The following DLG3 variants were observed in gnomAD, a reference collection of about 807,000 sequenced individuals.
DLG3 encodes the protein discs large MAGUK scaffold protein 3.
A neutral mutation model predicts 64.1 loss-of-function variants in DLG3; 1 was observed. That is an observed-to-expected ratio of 0.02 (90% CI 0.01 to 0.07). DLG3 has a LOEUF of 0.07. DLG3 is among the 10% of genes least tolerant of loss of function. The probability of loss-of-function intolerance (pLI) is 1.00; values close to 1 mark genes in which losing one functional copy is unlikely to be tolerated. For synonymous variants in DLG3, 245 were observed against 259.8 expected (o/e 0.94, Z 0.55); for missense variants, 429 against 669.5 (o/e 0.64, Z 3.96).
In DLG3 at chrX:70,491,209, G is replaced by A. The variant is rs759792628; in HGVS notation, c.1521-898G>A. ...ATTACAGGCGTGAGCCTCTGCGCCC[G>A]ACCTCCTAAGGCTCTTTTGATGTGT... On this transcript the variant is annotated intron_variant, in intron 10 of 18. Transcript: ENST00000374360. Among the ~76,000 whole-genome samples the A allele has an allele frequency of 3.2e-4, 36 of 111,952 alleles. No individual in the cohort carries two copies. In the South Asian group the frequency reaches 9.0e-3, roughly 28 times the overall value.
chrX:70,465,984 G>A (rs929560036), intron 9 of DLG3, among the ~76,000 whole-genome samples: 1 of 111,034 alleles, frequency 9.0e-6, no homozygotes, highest in African/African-American at 3.3e-5. Context: ...GTTCCGAAAA[G>A]ATTTTTTTAA....
intron 9 of DLG3, among the ~76,000 whole-genome samples, chrX:70,470,002 A>G (rs73216723): frequency 0.026 from 2,872 of 111,850 alleles, 63 homozygotes; most frequent in Middle Eastern, 0.05. Context: ...AGATGGAAAG[A>G]ACTTTTTGGG....
chrX:70,474,378 C>T (rs914932890), intron 9 of DLG3, among the ~76,000 whole-genome samples: 3 of 110,690 alleles, frequency 2.7e-5, no homozygotes, highest in African/African-American at 9.9e-5. Context: ...ATCAACAGTA[C>T]GGCAATGACA....
At chrX:70,453,291 G>A (rs1402628354) in intron 7 of DLG3, 1 of 223,716 alleles carries the variant, frequency 4.5e-6, no homozygotes, top group Admixed American at 6.5e-5. Flanking sequence ...CACACGGGTT[G>A]GTAGGATAGG....
rs1231693959 is a variant in DLG3, at chrX:70,452,630, G to T, written c.1145+604G>T. On this transcript the variant is annotated intron_variant, in intron 7 of 18. Transcript: ENST00000374360. Reference sequence around the variant, plus strand: ...GGAGAGAGAGAGGAGCTATGGAGAGGGCCCGCAAGTTCTCGGGCTCCGGCT... The same window carrying T: ...GGAGAGAGAGAGGAGCTATGGAGAGTGCCCGCAAGTTCTCGGGCTCCGGCT... 2 of 1,187,622 alleles carry T rather than the reference G, an allele frequency of 1.7e-6. No individual in the cohort carries two copies. Among genetic ancestry groups the T allele is most frequent in the Admixed American group, 2.3e-5 (1 of 42,820 alleles).
intron 6 of DLG3, among the ~76,000 whole-genome samples, chrX:70,451,222 C>G (rs926480107): frequency 7.2e-5 from 8 of 111,873 alleles, no homozygotes; most frequent in African/African-American, 3.3e-5. Context: ...CTGCCTCAGC[C>G]TCCCGAGTAG....
At chrX:70,481,682 G>C (rs1264212899) in intron 10 of DLG3, among the ~76,000 whole-genome samples, 1 of 112,096 alleles carries the variant, frequency 8.9e-6, no homozygotes, top group Non-Finnish European at 1.9e-5. Context: ...AGCTCCAGGG[G>C]AGCAGAAACC....
chrX:70,452,059 T>A, intron 7 of DLG3, 33 bp downstream of exon 7: 1 of 1,202,540 alleles, frequency 8.3e-7, no homozygotes, highest in Non-Finnish European at 1.1e-6. Context: ...CCATTCAATC[T>A]ACCCAGAAAT....
chrX:70,470,655 T>A (rs2086955317), intron 9 of DLG3, among the ~76,000 whole-genome samples: 2 of 112,488 alleles, frequency 1.8e-5, no homozygotes, highest in African/African-American at 3.2e-5. Flanking sequence ...ACTTGTTTCC[T>A]GTCTCTACAA....
At chrX:70,454,090 G>A in intron 8 of DLG3, 124 bp from the exon 9 acceptor site, 1 of 583,433 alleles carries the variant, frequency 1.7e-6, no homozygotes. Context: ...GGCAAGGTTG[G>A]AATATTGGGA....
chrX:70,458,571 G>A (rs1226520701), intron 9 of DLG3, among the ~76,000 whole-genome samples: 3 of 112,210 alleles, frequency 2.7e-5, no homozygotes, highest in Non-Finnish European at 3.8e-5. Context: ...GATTACAGGC[G>A]TGAGCCATAA....
rs1193747144 is a variant in DLG3 at position 70,457,621 on chromosome X, G to A, written c.1405+3305G>A. On this transcript the variant is annotated intron_variant, in intron 9 of 18. Coordinates refer to ENST00000374360, the MANE Select transcript of DLG3 (RefSeq NM_021120.4). ...GAGTCTTGCTCTGTCGCCCAGGCTGGAGTGCAGTGGCACGATCTCGGCTCA... is the reference window on the plus strand; with the variant it reads ...GAGTCTTGCTCTGTCGCCCAGGCTGAAGTGCAGTGGCACGATCTCGGCTCA... Among the ~76,000 whole-genome samples the A allele has an allele frequency of 4.6e-4, 50 of 108,069 alleles. 3 individuals carry two copies. Among genetic ancestry groups the A allele is most frequent in the Non-Finnish European group, 5.8e-5 (3 of 52,086 alleles). 93.8% of individuals were successfully genotyped at this position (108,069 alleles called of 115,157 possible).
At chrX:70,459,707 A>T (rs1416449987) in intron 9 of DLG3, among the ~76,000 whole-genome samples, 1 of 112,323 alleles carries the variant, frequency 8.9e-6, no homozygotes, top group Non-Finnish European at 1.9e-5. Context: ...GATAACTTTT[A>T]TAAGCATTAA....
intron 9 of DLG3, among the ~76,000 whole-genome samples, chrX:70,464,045 G>T (rs1164599453): frequency 2.8e-5 from 3 of 108,707 alleles, no homozygotes; most frequent in African/African-American, 1.0e-4. Context: ...TTATTTTTTT[G>T]TATAGAGACA....
chrX:70,497,082 AGCTCAGTGTCTC>A (rs1425282793), intron 13 of DLG3: 13 of 882,992 alleles, frequency 1.5e-5, no homozygotes, highest in Non-Finnish European at 2.0e-5. Context: ...CTCAGTTGGC[AGCTCAGTGTCTC>A]GCTCCTGGAG....
chrX:70,497,154 G>T, intron 13 of DLG3: 11 of 1,204,482 alleles, frequency 9.1e-6, no homozygotes, highest in Non-Finnish European at 1.2e-5. Flanking sequence ...GTTCTGAATT[G>T]GAGTCTCTTT....
At chrX:70,452,605 GGA>G (rs756114403) in intron 7 of DLG3, 6 of 1,177,286 alleles carry the variant, frequency 5.1e-6, no homozygotes, top group Non-Finnish European at 6.8e-6. Context: ...GGCAGCCAGG[GGA>G]GAGAGAGAGG....
chrX:70,498,605 G>T, intron 14 of DLG3, 35 bp downstream of exon 14: 1 of 1,167,984 alleles, frequency 8.6e-7, no homozygotes, highest in Non-Finnish European at 1.2e-6. Context: ...CTTCGTGCTG[G>T]TCTCCTGGTC....
At chrX:70,447,680 G>C (rs1356694739) in intron 1 of DLG3, among the ~76,000 whole-genome samples, 1 of 112,403 alleles carries the variant, frequency 8.9e-6, no homozygotes, top group African/African-American at 3.2e-5. Context: ...CATAGCCAGA[G>C]AAAGGTGGGG....
Sources: allele counts gnomAD v4.1 joint callset (sites outside exome capture counted in the v4.1 genomes callset), GRCh38; gene constraint gnomAD v4.1.1; transcripts MANE v1.5; gene names NCBI Gene and HGNC (gene_info 2026-07-23, HGNC 2026-07-21).